The following PHACTR2 variants were observed in gnomAD, a reference collection of about 807,000 sequenced individuals.
The protein encoded by PHACTR2 is chromosome 6 open reading frame 56.
A neutral mutation model predicts 76.0 loss-of-function variants in PHACTR2; 30 were observed. The observed-to-expected ratio is 0.39, with a 90% CI of 0.30 to 0.54. The LOEUF (loss-of-function observed/expected upper bound fraction) is 0.54, where lower values mean the gene tolerates loss of function less well. Ranked by LOEUF, PHACTR2 falls within the 20% of genes least tolerant of loss-of-function variation. The pLI is 0.61. For synonymous variants in PHACTR2, 292 were observed against 292.5 expected (o/e 1.00, Z 0.02); for missense variants, 696 against 781.1 (o/e 0.89, Z 1.30).
At chr6:143,762,717 T>C (rs1487262064) in intron 5 of PHACTR2, among the ~76,000 whole-genome samples, 1 of 152,238 alleles carries the variant, frequency 6.6e-6, no homozygotes, top group African/African-American at 2.4e-5. Flanking sequence ...GTTAAGATTC[T>C]TTCTCTATTA....
At chr6:143,740,636 G>C (rs1432011617) in intron 2 of PHACTR2, among the ~76,000 whole-genome samples, 1 of 152,158 alleles carries the variant, frequency 6.6e-6, no homozygotes, top group South Asian at 2.1e-4. Flanking sequence ...TAATAGTTGG[G>C]AGGCGGGGTG....
chr6:143,623,788 TTTTTGG>T lies in PHACTR2; in HGVS notation c.13+15472_13+15477del, dbSNP rs1056579516. Among the ~76,000 whole-genome samples the T allele has an allele frequency of 5.3e-5, 8 of 152,206 alleles. No homozygotes were observed. Among genetic ancestry groups the T allele is most frequent in the Non-Finnish European group, 1.0e-4 (7 of 68,024 alleles). ...TTATATTTTACTCTAGACTTTTCTA[TTTTTGG>T]TTTTGTTTGTACAGTCATTGTGTCC... On this transcript the variant is annotated intron_variant, in intron 1 of 11. Coordinates refer to the PHACTR2 transcript ENST00000305766. The surrounding 1 kb of genome is among the most constrained non-coding windows in gnomAD (Gnocchi z 5.9).
In PHACTR2 at chr6:143,698,317, T is replaced by C. The variant is rs9386042; in HGVS notation, c.47-13699T>C. On this transcript the variant is annotated intron_variant, in intron 1 of 12. Transcript: ENST00000440869. This position sits in a 1 kb window ranked among gnomAD's most constrained non-coding sequence, Gnocchi z 4.3. The stretch of plus-strand genomic sequence containing the variant: ...GCAAGTGGGGCATCCTCAATAACTA[T>C]GTTAGAAAAAGTATAAAATCAATGC... Among the ~76,000 whole-genome samples, 37,081 of 152,100 alleles carry C rather than the reference T, an allele frequency of 0.24. 4,598 individuals carry two copies. The highest frequency in any genetic ancestry group is 0.36 in the East Asian group (1,871 of 5,168).
chr6:143,771,215 T>TATA (rs1562300938), intron 6 of PHACTR2, among the ~76,000 whole-genome samples: 2 of 101,276 alleles, frequency 2.0e-5, no homozygotes, highest in Non-Finnish European at 3.8e-5. Context: ...TATATATATA[T>TATA]ATATATATAT....
At chr6:143,736,752 T>G (rs1299308310) in intron 2 of PHACTR2, among the ~76,000 whole-genome samples, 1 of 151,568 alleles carries the variant, frequency 6.6e-6, no homozygotes, top group Non-Finnish European at 1.5e-5. Context: ...TTTTTTGTAT[T>G]TTTAATAGAG....
chr6:143,642,569 G>C (rs1025508798), intron 1 of PHACTR2, among the ~76,000 whole-genome samples: 3 of 152,176 alleles, frequency 2.0e-5, no homozygotes, highest in African/African-American at 7.2e-5. Flanking sequence ...CTCAGAACAT[G>C]ACCTTATTTG....
chr6:143,652,241 C>T lies in PHACTR2; in HGVS notation c.13+43919C>T, dbSNP rs1311310494. On this transcript the variant is annotated intron_variant, in intron 1 of 11. Coordinates refer to the PHACTR2 transcript ENST00000305766. The surrounding 1 kb of genome is among the most constrained non-coding windows in gnomAD (Gnocchi z 4.5). ...ACATTTCTTTAAATACATACCATTT[C>T]TTGAAATACATTTATTAAGCACAGA... Among the ~76,000 whole-genome samples, 1 of 152,136 alleles carries T rather than the reference C, an allele frequency of 6.6e-6. No homozygotes were observed. Among genetic ancestry groups the T allele is most frequent in the African/African-American group, 2.4e-5 (1 of 41,432 alleles).
In PHACTR2 at chr6:143,581,492, T is replaced by G. The variant is rs13216148; in HGVS notation, c.217+44285T>G. Among the ~76,000 whole-genome samples, 45,083 of 151,814 alleles carry G rather than the reference T, an allele frequency of 0.3. 6,779 individuals are homozygous for G. The highest frequency in any genetic ancestry group is 0.42 in the Middle Eastern group (123 of 294). On this transcript the variant is annotated intron_variant, in intron 1 of 11. Transcript: ENST00000367584. The surrounding 1 kb of genome is among the most constrained non-coding windows in gnomAD (Gnocchi z 4.5). Reference sequence around the variant, plus strand: ...AGACCTGGGAAGGAGAGAAGGGACCTTTTCTGCAGACGGTGGCCTGGAGAA... The same window carrying G: ...AGACCTGGGAAGGAGAGAAGGGACCGTTTCTGCAGACGGTGGCCTGGAGAA...
chr6:143,826,740 G>C lies in PHACTR2; in HGVS notation c.*3051G>C, dbSNP rs1323911364. On this transcript the variant is annotated 3_prime_UTR_variant, in exon 13 of 13. Transcript: ENST00000440869. ...GGCAGCTTGCCTGATAATTTCCTGT[G>C]TTATGTGAAGTGTCTTGCACTTTCA... is the stretch of plus-strand genomic sequence containing the variant. 1 of 152,116 alleles carries C rather than the reference G, an allele frequency of 6.6e-6. No individual in the cohort carries two copies. The highest frequency in any genetic ancestry group is 6.5e-5 in the Admixed American group (1 of 15,270). The allele number at this position is 152,116 out of a possible 1,614,324, so 9.4% of individuals were successfully genotyped here. A position where few individuals can be genotyped will look rare whatever the true frequency, so the allele number is the denominator to read the frequency against.
At chr6:143,629,020 T>G (rs918780030) in intron 1 of PHACTR2, among the ~76,000 whole-genome samples, 3 of 142,754 alleles carry the variant, frequency 2.1e-5, no homozygotes, top group African/African-American at 7.9e-5. Context: ...ATTCAACTCT[T>G]GATCTCCAGT....
rs1401748536 is a variant in PHACTR2 at position 143,757,142 on chromosome 6, C to A, written c.454+3230C>A. On this transcript the variant is annotated intron_variant, in intron 4 of 12. Transcript: ENST00000440869. The surrounding 1 kb of genome is among the most constrained non-coding windows in gnomAD (Gnocchi z 4.2). ...TATTAAGTTATTATTTTAAAATCTT[C>A]AATGAAATAACAAGTGATGAACACT... Among the ~76,000 whole-genome samples, 1 of 152,112 alleles carries A rather than the reference C, an allele frequency of 6.6e-6. No homozygotes were observed. Among genetic ancestry groups the A allele is most frequent in the Non-Finnish European group, 1.5e-5 (1 of 68,030 alleles).
At chr6:143,632,731 A>G (rs2128442311) in intron 1 of PHACTR2, among the ~76,000 whole-genome samples, 2 of 152,260 alleles carry the variant, frequency 1.3e-5, no homozygotes, top group Admixed American at 1.3e-4. Flanking sequence ...AGTTTTTCTG[A>G]TCTAAAAAAT....
intron 2 of PHACTR2, among the ~76,000 whole-genome samples, chr6:143,724,994 A>G (rs1386883845): frequency 6.6e-6 from 1 of 152,222 alleles, no homozygotes; most frequent in Non-Finnish European, 1.5e-5. Context: ...TTCACTTTCT[A>G]TGGCGAATAT....
At chr6:143,573,781 A>G (rs1775474675) in intron 1 of PHACTR2, among the ~76,000 whole-genome samples, 1 of 152,116 alleles carries the variant, frequency 6.6e-6, no homozygotes, top group Non-Finnish European at 1.5e-5. Context: ...TGCCTTTCTT[A>G]TATTTGTATG....
At chr6:143,721,480 C>T (rs1778441550) in intron 2 of PHACTR2, among the ~76,000 whole-genome samples, 2 of 152,220 alleles carry the variant, frequency 1.3e-5, no homozygotes, top group South Asian at 2.1e-4. Flanking sequence ...CTAGTTCTCT[C>T]TCTAGGGCAG....
chr6:143,732,938 G>A lies in PHACTR2; in HGVS notation c.215-16047G>A, dbSNP rs1778734238. Among the ~76,000 whole-genome samples the A allele has an allele frequency of 2.0e-5, 3 of 152,182 alleles. No individual in the cohort carries two copies. The East Asian group carries it at 5.8e-4, about 29-fold the overall frequency. ...AGGGTCTTGCTCATTCACCCATGCTGGAGTGCAGTGGTGTGATCATTTCTA... is the reference window on the plus strand; with the variant it reads ...AGGGTCTTGCTCATTCACCCATGCTAGAGTGCAGTGGTGTGATCATTTCTA... On this transcript the variant is annotated intron_variant, in intron 2 of 12. Coordinates refer to ENST00000440869, the MANE Select transcript of PHACTR2 (RefSeq NM_001100164.2).
chr6:143,542,631 C>A (rs773367429), intron 1 of PHACTR2, among the ~76,000 whole-genome samples: 1 of 152,188 alleles, frequency 6.6e-6, no homozygotes, highest in Non-Finnish European at 1.5e-5. Context: ...TTTCCTCATC[C>A]ATCTGCTTAA....
At chr6:143,632,146 A>G (rs933178956) in intron 1 of PHACTR2, among the ~76,000 whole-genome samples, 21 of 152,212 alleles carry the variant, frequency 1.4e-4, no homozygotes, top group African/African-American at 4.6e-4. Context: ...AAGCAGGAGT[A>G]CATCAACTAC....
rs984895840 is a variant in PHACTR2, at chr6:143,707,112, A to G, written c.47-4904A>G. ...GTGACAGAATTATAATGGAAATACA[A>G]AAACTGTAATAGAAATAAAAATATA... is the stretch of plus-strand genomic sequence containing the variant. On this transcript the variant is annotated intron_variant, in intron 1 of 12. Transcript: ENST00000440869. Among the ~76,000 whole-genome samples, 7 of 152,248 alleles carry G rather than the reference A, an allele frequency of 4.6e-5. No homozygotes were observed. The East Asian group carries it at 1.3e-3, about 29-fold the overall frequency.
Sources: allele counts gnomAD v4.1 joint callset (sites outside exome capture counted in the v4.1 genomes callset), GRCh38; gene constraint gnomAD v4.1.1; non-coding constraint Gnocchi (gnomAD v3.1); transcripts MANE v1.5; gene names NCBI Gene and HGNC (gene_info 2026-07-23, HGNC 2026-07-21).